Variants in ABHD2 observed in about 807,000 individuals in gnomAD.
The protein encoded by ABHD2 is monoacylglycerol lipase ABHD2.
ABHD2 carries 20 observed loss-of-function variants against 48.1 expected under a neutral mutation model. The observed-to-expected ratio is 0.42, with a 90% confidence interval of 0.29 to 0.60. The LOEUF (loss-of-function observed/expected upper bound fraction) is 0.60. Ranked by LOEUF, ABHD2 falls within the 20% of genes least tolerant of loss-of-function variation. The probability of loss-of-function intolerance (pLI) is 0.24; values close to 1 mark genes in which losing one functional copy is unlikely to be tolerated. For missense variants in ABHD2, 405 were observed against 550.9 expected (o/e 0.74, Z 2.65); for synonymous variants, 209 against 214.2 (o/e 0.98, Z 0.21).
rs918658617 is a variant in ABHD2 at position 89,188,733 on chromosome 15, T to A, written c.926+430T>A. 4.6e-5 allele frequency among the ~76,000 whole-genome samples: 7 copies of A among 151,994 alleles called. No homozygotes were observed. Among genetic ancestry groups the A allele is most frequent in the Admixed American group, 3.3e-4 (5 of 15,276 alleles). ...CTCTAACAAGAGTAGAAAAACTGGC[T>A]GGGGGCAGTGTCTCATGCCTGTAAT... On this transcript the variant is annotated intron_variant, in intron 8 of 10. Coordinates refer to ENST00000352732, the MANE Select transcript of ABHD2 (RefSeq NM_152924.5). This position sits in a 1 kb window ranked among gnomAD's most constrained non-coding sequence, Gnocchi z 4.1.
At chr15:89,084,407 C>T (rs1169554382), upstream of ABHD2, among the ~76,000 whole-genome samples, 2 of 152,160 alleles carry the variant, frequency 1.3e-5, no homozygotes, top group Admixed American at 1.3e-4. This position sits in a 1 kb window ranked among gnomAD's most constrained non-coding sequence, Gnocchi z 4.4. Flanking sequence ...TCAAGCGATT[C>T]TCCTGCCTCA....
the ABHD2 span, among the ~76,000 whole-genome samples, chr15:89,068,770 T>TTTTTTG: frequency 7.8e-6 from 1 of 127,728 alleles, no homozygotes; most frequent in African/African-American, 3.0e-5. Context: ...TTTTTTTTTT[T>TTTTTTG]TTTTTTTTTT....
chr15:89,127,725 AT>A (rs2050156302), intron 3 of ABHD2, among the ~76,000 whole-genome samples: 2 of 101,060 alleles, frequency 2.0e-5, no homozygotes, highest in African/African-American at 7.6e-5. Flanking sequence ...ATATACACAT[AT>A]ATATATATAT....
chr15:89,045,342 G>A, the ABHD2 span, among the ~76,000 whole-genome samples: 7 of 152,218 alleles, frequency 4.6e-5, no homozygotes, highest in East Asian at 9.6e-4. Flanking sequence ...GTAGTGTGAC[G>A]CCTCCAGCTT....
rs965870820 is a variant in ABHD2 at position 89,088,527 on chromosome 15, G to A, written c.-143G>A. 1.3e-5 allele frequency: 2 copies of A among 152,716 alleles called. No homozygotes were observed. The highest frequency in any genetic ancestry group is 6.5e-5 in the Admixed American group (1 of 15,292). The allele number at this position is 152,716 out of a possible 1,614,324, so 9.5% of individuals were successfully genotyped here. A position where few individuals can be genotyped will look rare whatever the true frequency, so the allele number is the denominator to read the frequency against. ...GCCGGGGAGCTGCAGGAACCAGACT[G>A]GGGGCGAGCTGAGCACCTGTAGTCA... On this transcript the variant is annotated 5_prime_UTR_variant, in exon 1 of 11. Transcript: ENST00000352732. The surrounding 1 kb of genome is among the most constrained non-coding windows in gnomAD (Gnocchi z 6.8).
intron 3 of ABHD2, among the ~76,000 whole-genome samples, chr15:89,145,611 T>C (rs918802480): frequency 1.3e-5 from 2 of 152,218 alleles, no homozygotes; most frequent in African/African-American, 4.8e-5. Context: ...CCCTTCTGGC[T>C]GCCTAGCATT....
intron 1 of ABHD2, among the ~76,000 whole-genome samples, chr15:89,109,387 G>C (rs2150801801): frequency 6.6e-6 from 1 of 152,302 alleles, no homozygotes; most frequent in African/African-American, 2.4e-5. Context: ...TGGCAGGGAA[G>C]GTGTGGGCTA....
At chr15:89,095,558 G>C (rs903132008) in intron 1 of ABHD2, among the ~76,000 whole-genome samples, 1 of 152,186 alleles carries the variant, frequency 6.6e-6, no homozygotes, top group Non-Finnish European at 1.5e-5. Context: ...ATTAAGTAAG[G>C]CTCTTCAGTG....
At chr15:89,154,500 C>T (rs1254315354) in intron 4 of ABHD2, among the ~76,000 whole-genome samples, 1 of 152,192 alleles carries the variant, frequency 6.6e-6, no homozygotes, top group Non-Finnish European at 1.5e-5. Flanking sequence ...GTATCTCTCT[C>T]TCTGTCCTCT....
intron 3 of ABHD2, among the ~76,000 whole-genome samples, chr15:89,147,350 C>CTTTTTTTTTTTTTTTTTTTTTTTTTTT (rs35188439): frequency 1.0e-5 from 1 of 100,356 alleles, no homozygotes; most frequent in Non-Finnish European, 1.9e-5. Flanking sequence ...TTGCATAGCT[C>CTTTTTTTTTTTTTTTTTTTTTTTTTTT]TTTTTTTTTT....
Position 89,189,134 on chromosome 15 carries a change from G to A in ABHD2, c.926+831G>A, listed in dbSNP as rs2051262577. Among the ~76,000 whole-genome samples, 2 of 152,132 alleles carry A rather than the reference G, an allele frequency of 1.3e-5. No homozygotes were observed. Among genetic ancestry groups the A allele is most frequent in the South Asian group, 4.1e-4 (2 of 4,820 alleles). Reference sequence around the variant, plus strand: ...ATTGAGGTTAGCCTCAGCTGAAAAAGGAAAAGTTGACCTCTGATCTCATCA... The same window carrying A: ...ATTGAGGTTAGCCTCAGCTGAAAAAAGAAAAGTTGACCTCTGATCTCATCA... On this transcript the variant is annotated intron_variant, in intron 8 of 10. Transcript: ENST00000352732. The surrounding 1 kb of genome is among the most constrained non-coding windows in gnomAD (Gnocchi z 4.9).
At chr15:89,109,347 A>G (rs1239030719) in intron 1 of ABHD2, among the ~76,000 whole-genome samples, 3 of 152,184 alleles carry the variant, frequency 2.0e-5, no homozygotes, top group Non-Finnish European at 4.4e-5. Context: ...TCTGACTACC[A>G]TTTACAGCAC....
chr15:89,147,977 C>A (rs866751903), intron 3 of ABHD2, among the ~76,000 whole-genome samples: 3 of 151,194 alleles, frequency 2.0e-5, no homozygotes, highest in Non-Finnish European at 4.4e-5. Context: ...ATCAGCCGGG[C>A]GTGATGACAT....
intron 5 of ABHD2, among the ~76,000 whole-genome samples, chr15:89,160,363 C>T (rs146904670): frequency 5.1e-4 from 78 of 152,256 alleles, no homozygotes; most frequent in African/African-American, 1.8e-3. Context: ...AGATCTTTGT[C>T]AACTTTTGTT....
rs141570445 is a variant in ABHD2 at position 89,098,800 on chromosome 15, T to G, written c.-107+10237T>G. Reference sequence around the variant, plus strand: ...TCAGTCTATTTATTGACTCTACATATAAATTCTGGATGTTGCACTGACATC... The same window carrying G: ...TCAGTCTATTTATTGACTCTACATAGAAATTCTGGATGTTGCACTGACATC... On this transcript the variant is annotated intron_variant, in intron 1 of 10. Transcript: ENST00000352732. 2.6e-3 allele frequency among the ~76,000 whole-genome samples: 397 copies of G among 152,320 alleles called. 2 individuals carry two copies. The highest frequency in any genetic ancestry group is 9.1e-3 in the African/African-American group (380 of 41,564).
intron 9 of ABHD2, among the ~76,000 whole-genome samples, chr15:89,191,591 C>T (rs945049842): frequency 4.0e-5 from 6 of 150,644 alleles, no homozygotes; most frequent in African/African-American, 1.5e-4. Flanking sequence ...TGATGTGTTT[C>T]TGTATCAAAG....
At chr15:89,067,086 C>T in the ABHD2 span, among the ~76,000 whole-genome samples, 49 of 152,268 alleles carry the variant, frequency 3.2e-4, no homozygotes, top group Non-Finnish European at 6.3e-4. Context: ...AGACCCAACA[C>T]CAGGCCATGG....
chr15:89,079,146 T>A, the ABHD2 span, among the ~76,000 whole-genome samples: 70 of 152,300 alleles, frequency 4.6e-4, no homozygotes, highest in African/African-American at 1.6e-3. The surrounding 1 kb of genome is among the most constrained non-coding windows in gnomAD (Gnocchi z 4.3). Flanking sequence ...CTACTCTGTG[T>A]TTACATATTT....
At position 89,151,652 on chromosome 15, in the gene ABHD2, T is replaced by C. The variant is rs1457524633; in HGVS notation, c.195-25T>C. The C allele has an allele frequency of 1.9e-6, 3 of 1,584,022 alleles. No individual in the cohort carries two copies. Among genetic ancestry groups the C allele is most frequent in the Non-Finnish European group, 1.7e-6 (2 of 1,162,796 alleles). ...CGTTGCTCAAGGAATGTAGAGAAAA[T>C]TGACCTCCCTTGTCCTTTCTTTAGA... On this transcript the variant is annotated intron_variant, in intron 3 of 10. Coordinates refer to ENST00000352732, the MANE Select transcript of ABHD2 (RefSeq NM_152924.5). This position sits in a 1 kb window ranked among gnomAD's most constrained non-coding sequence, Gnocchi z 4.7.
Sources: allele counts gnomAD v4.1 joint callset (sites outside exome capture counted in the v4.1 genomes callset), GRCh38; gene constraint gnomAD v4.1.1; non-coding constraint Gnocchi (gnomAD v3.1); transcripts MANE v1.5; gene names NCBI Gene and HGNC (gene_info 2026-07-23, HGNC 2026-07-21).